The following IL1RL1 variants were observed in gnomAD, a reference collection of about 807,000 sequenced individuals.
IL1RL1 encodes the protein interleukin-1 receptor-like 1.
IL1RL1 carries 32 observed loss-of-function variants against 50.9 expected under a neutral mutation model. The ratio of observed to expected loss-of-function variants is 0.63; its 90% CI spans 0.47 to 0.84. IL1RL1 has a LOEUF of 0.84. IL1RL1 is among the 40% of genes least tolerant of loss of function. The pLI is 0.00. For synonymous variants in IL1RL1, 275 were observed against 236.0 expected (o/e 1.17, Z -1.51); for missense variants, 773 against 662.9 (o/e 1.17, Z -1.82).
chr2:102,340,231 A>T lies in IL1RL1; in HGVS notation c.406A>T (p.Ile136Phe). The change falls in exon 4 of 11, where the codon ATT becomes TTT. Residue 136 changes from isoleucine (I) to phenylalanine (F), a missense_variant. By Grantham distance (21) the Ile-to-Phe change is conservative. Coordinates refer to ENST00000233954, the MANE Select transcript of IL1RL1 (RefSeq NM_016232.5). ...EKNSKIYCPT[I>F]DLYNWTAPLE... Reference sequence around the variant, plus strand: ...AAATTCCAAAATTTATTGTCCTACCATTGACCTCTACAACTGGACAGCACC... The same window carrying T: ...AAATTCCAAAATTTATTGTCCTACCTTTGACCTCTACAACTGGACAGCACC... The T allele has an allele frequency of 6.2e-7, 1 of 1,605,734 alleles. No individual in the cohort carries two copies. Among genetic ancestry groups the T allele is most frequent in the Non-Finnish European group, 8.5e-7 (1 of 1,178,068 alleles).
At position 102,340,744 on chromosome 2, in the gene IL1RL1, G is replaced by A. The variant is rs34225180; in HGVS notation, c.526G>A (p.Ala176Thr). The A allele has an allele frequency of 2.5e-3, 4,047 of 1,597,556 alleles. 21 individuals are homozygous for A. In the East Asian group the frequency reaches 0.027, roughly 11 times the overall value. ...CATTGATAATGTGATGACTGAGGACGCAGGTGATTACACCTGTAAATTTAT... is the reference window on the plus strand; with the variant it reads ...CATTGATAATGTGATGACTGAGGACACAGGTGATTACACCTGTAAATTTAT... The part of the protein sequence containing the change: ...LVIDNVMTED[A>T]GDYTCKFIHN... The change falls in exon 5 of 11, where the codon GCA becomes ACA. Residue 176 changes from alanine (A) to threonine (T), a missense_variant. Ala to Thr is a moderately conservative substitution (Grantham distance 58). Coordinates refer to ENST00000233954, the MANE Select transcript of IL1RL1 (RefSeq NM_016232.5).
In IL1RL1 at chr2:102,343,657, G is replaced by C. The variant is rs952387061; in HGVS notation, c.970+242G>C. 5.7e-6 allele frequency: 8 copies of C among 1,404,746 alleles called. No individual in the cohort carries two copies. In the Admixed American group the frequency reaches 8.8e-5, roughly 15 times the overall value. 87.0% of individuals were successfully genotyped at this position (1,404,746 alleles called of 1,614,324 possible). ...CTCCCTCCTATCGTTGGTTTGTCTAGAACACTCAGCTGCTTCTTTGGTCAT... is the reference window on the plus strand; with the variant it reads ...CTCCCTCCTATCGTTGGTTTGTCTACAACACTCAGCTGCTTCTTTGGTCAT... On this transcript the variant is annotated intron_variant, in intron 8 of 10. Coordinates refer to ENST00000233954, the MANE Select transcript of IL1RL1 (RefSeq NM_016232.5).
At position 102,340,085 on chromosome 2, in the gene IL1RL1, C is replaced by G. The variant is rs1278078200; in HGVS notation, c.273-13C>G. 1 of 1,450,974 alleles carries G rather than the reference C, an allele frequency of 6.9e-7. No individual in the cohort carries two copies. Among genetic ancestry groups the G allele is most frequent in the African/African-American group, 1.4e-5 (1 of 68,996 alleles). 89.9% of individuals were successfully genotyped at this position (1,450,974 alleles called of 1,614,324 possible). On this transcript the variant is annotated splice_polypyrimidine_tract_variant and intron_variant, in intron 3 of 10. Transcript: ENST00000233954. ...CTAAGTGACTCTTTTAATTGTCTGA[C>G]TTATTTTAACAGTCCCACATTCAAT...
chr2:102,342,251 A>G lies in IL1RL1; in HGVS notation c.639A>G (p.Val213=). 1 of 1,611,974 alleles carries G rather than the reference A, an allele frequency of 6.2e-7. No homozygotes were observed. Among genetic ancestry groups the G allele is most frequent in the Non-Finnish European group, 8.5e-7 (1 of 1,178,160 alleles). The change falls in exon 6 of 11, where the codon GTA becomes GTG. Residue 213 remains valine (V), a synonymous_variant. Transcript: ENST00000233954. The part of the protein sequence containing the change: ...KDEQGFSLFP[V]IGAPAQNEIK... ...AGCAAGGCTTTTCTCTGTTTCCAGT[A>G]ATCGGAGCCCCTGCACAAAATGAAA...
intron 9 of IL1RL1, 64 bp from the exon 10 acceptor site, chr2:102,349,015 C>A: frequency 7.8e-7 from 1 of 1,285,638 alleles, no homozygotes; most frequent in Non-Finnish European, 1.1e-6. Context: ...GGAATGTCTT[C>A]AAAGAGTCCA....
chr2:102,312,904 T>C (rs1231739602), intron 1 of IL1RL1: 1 of 152,166 alleles, frequency 6.6e-6, no homozygotes, highest in Non-Finnish European at 1.5e-5. Flanking sequence ...TTTAATTTCT[T>C]CCAGGCATAA....
chr2:102,322,407 C>T (rs747761190), intron 1 of IL1RL1, among the ~76,000 whole-genome samples: 12 of 152,106 alleles, frequency 7.9e-5, no homozygotes, highest in African/African-American at 1.4e-4. Flanking sequence ...GAAAAATGAT[C>T]GAAACCAGAA....
intron 9 of IL1RL1, 79 bp downstream of exon 9, chr2:102,348,170 A>G: frequency 4.4e-6 from 5 of 1,132,138 alleles, no homozygotes; most frequent in Non-Finnish European, 5.2e-6. Flanking sequence ...TTAATCTTTC[A>G]GTAGCTAGGC....
intron 1 of IL1RL1, among the ~76,000 whole-genome samples, chr2:102,328,269 A>C (rs1280271689): frequency 6.6e-6 from 1 of 152,172 alleles, no homozygotes; most frequent in East Asian, 1.9e-4. Flanking sequence ...TGATTATCTC[A>C]ATAGATGCAG....
intron 1 of IL1RL1, among the ~76,000 whole-genome samples, chr2:102,325,154 C>A (rs549643466): frequency 6.6e-5 from 10 of 152,236 alleles, no homozygotes; most frequent in African/African-American, 2.4e-4. Context: ...TGAGACAAAA[C>A]TTCCAGAGGA....
intron 10 of IL1RL1, among the ~76,000 whole-genome samples, chr2:102,350,322 CT>C (rs1201943555): frequency 6.6e-6 from 1 of 152,240 alleles, no homozygotes; most frequent in African/African-American, 2.4e-5. Context: ...CTTTTTCAGT[CT>C]ATCCACCTAA....
chr2:102,329,659 C>A (rs186071098), intron 1 of IL1RL1, among the ~76,000 whole-genome samples: 1,768 of 152,166 alleles, frequency 0.012, 34 homozygotes, highest in African/African-American at 0.04. Flanking sequence ...ACAAACAACC[C>A]CATCAAAAAG....
At chr2:102,327,405 A>C (rs1677042703) in intron 1 of IL1RL1, among the ~76,000 whole-genome samples, 2 of 151,746 alleles carry the variant, frequency 1.3e-5, no homozygotes, top group African/African-American at 4.8e-5. Flanking sequence ...GAAAGCAGGA[A>C]AGATCTAAAA....
At chr2:102,315,894 G>T (rs1344600538) in intron 1 of IL1RL1, among the ~76,000 whole-genome samples, 1 of 152,166 alleles carries the variant, frequency 6.6e-6, no homozygotes, top group African/African-American at 2.4e-5. Flanking sequence ...AGTGGGTTTG[G>T]TTCCTGCTTT....
Position 102,343,020 on chromosome 2 carries a change from C to A in IL1RL1, c.683-16C>A. 6.2e-7 allele frequency: 1 copy of A among 1,611,518 alleles called. No individual in the cohort carries two copies. The highest frequency in any genetic ancestry group is 1.1e-5 in the South Asian group (1 of 90,588). On this transcript the variant is annotated splice_polypyrimidine_tract_variant and intron_variant, in intron 6 of 10. Coordinates refer to ENST00000233954, the MANE Select transcript of IL1RL1 (RefSeq NM_016232.5). ...AGAAGTTAATTTTATTGGTGAATGT[C>A]CTTACTCCCCTCTAGGAAAAAACGC...
intron 8 of IL1RL1, among the ~76,000 whole-genome samples, chr2:102,346,509 G>T (rs544149874): frequency 2.1e-3 from 322 of 152,230 alleles, no homozygotes; most frequent in African/African-American, 7.1e-3. Flanking sequence ...CTGATGTCTT[G>T]GATCAACTTC....
At chr2:102,334,416 T>A (rs772415664) in intron 1 of IL1RL1, among the ~76,000 whole-genome samples, 2 of 152,056 alleles carry the variant, frequency 1.3e-5, no homozygotes, top group African/African-American at 2.4e-5. Context: ...TGCCCACAGC[T>A]ACACAGCTAA....
Position 102,343,095 on chromosome 2 carries a change from G to A in IL1RL1, c.742G>A (p.Ala248Thr), listed in dbSNP as rs759085241. The A allele has an allele frequency of 5.0e-6, 8 of 1,614,128 alleles. 1 individual carries two copies. The highest frequency in any genetic ancestry group is 3.3e-5 in the South Asian group (3 of 91,080). Residue 248 changes from alanine to threonine, a missense_variant, in exon 7 of 11, where the codon GCC becomes ACC. Coordinates refer to ENST00000233954, the MANE Select transcript of IL1RL1 (RefSeq NM_016232.5). ...CFGKGTQFLAAVLWQLNGTKI... is the reference protein window; with the variant it reads ...CFGKGTQFLATVLWQLNGTKI... The stretch of plus-strand genomic sequence containing the variant: ...TGGAAAAGGCACTCAGTTCTTGGCT[G>A]CCGTCCTGTGGCAGCTTAATGGAAC...
chr2:102,335,522 T>C (rs1369857215), intron 1 of IL1RL1, among the ~76,000 whole-genome samples: 4 of 152,238 alleles, frequency 2.6e-5, no homozygotes, highest in Non-Finnish European at 5.9e-5. Context: ...GTGATGTTAA[T>C]GATAAGTACC....
Sources: allele counts gnomAD v4.1 joint callset (sites outside exome capture counted in the v4.1 genomes callset), GRCh38; gene constraint gnomAD v4.1.1; transcripts MANE v1.5; gene names NCBI Gene and HGNC (gene_info 2026-07-23, HGNC 2026-07-21).